NAA30: variants seen among roughly 807,000 people sequenced by gnomAD.
The protein encoded by NAA30 is N-alpha-acetyltransferase 30.
Under a neutral mutation model 31.4 loss-of-function variants are expected in NAA30, and 5 were observed. The ratio of observed to expected loss-of-function variants is 0.16; its 90% CI spans 0.08 to 0.33. The LOEUF (loss-of-function observed/expected upper bound fraction) is 0.33, where lower values mean the gene tolerates loss of function less well. Among genes scored for constraint, NAA30 ranks in the 10% least tolerant of loss-of-function variants. NAA30 has a pLI of 1.00. For synonymous variants in NAA30, 222 were observed against 207.1 expected (o/e 1.07, Z -0.62); for missense variants, 428 against 490.8 (o/e 0.87, Z 1.21).
intron 3 of NAA30, among the ~76,000 whole-genome samples, chr14:57,397,655 G>A (rs879338960): frequency 2.0e-5 from 3 of 152,154 alleles, no homozygotes; most frequent in Non-Finnish European, 4.4e-5. Context: ...TGCCGGGTGC[G>A]GTGGCTCACG....
At chr14:57,404,006 T>C (rs567277458) in intron 4 of NAA30, among the ~76,000 whole-genome samples, 3 of 152,230 alleles carry the variant, frequency 2.0e-5, no homozygotes, top group African/African-American at 7.2e-5. Context: ...TGTTTTGTTT[T>C]GTTTTGTTTG....
At chr14:57,399,602 T>C (rs1013043856) in intron 3 of NAA30, among the ~76,000 whole-genome samples, 2 of 152,228 alleles carry the variant, frequency 1.3e-5, no homozygotes, top group Admixed American at 6.5e-5. Flanking sequence ...AAAAGGAGTA[T>C]ATTGGGAGAT....
At position 57,412,939 on chromosome 14, in the gene NAA30, A is replaced by T. The variant is rs556858702; in HGVS notation, c.*3423A>T. 6.6e-6 allele frequency: 1 copy of T among 152,380 alleles called. No homozygotes were observed. The highest frequency in any genetic ancestry group is 6.5e-5 in the Admixed American group (1 of 15,306). The allele number at this position is 152,380 out of a possible 1,614,324, so 9.4% of individuals were successfully genotyped here. On this transcript the variant is annotated 3_prime_UTR_variant, in exon 5 of 5. Transcript: ENST00000556492. Reference sequence around the variant, plus strand: ...GTTCTGACAAAGTAAATTTGAAAATAACATGAACTTGATTTTTCTAAAAGT... The same window carrying T: ...GTTCTGACAAAGTAAATTTGAAAATTACATGAACTTGATTTTTCTAAAAGT...
chr14:57,411,735 G>A lies in NAA30; in HGVS notation c.*2219G>A, dbSNP rs548190914. ...CAGTGTATGCCTTATGTCTTTAATT[G>A]GGTATGCAAAAAAATTTTTACTTAA... On this transcript the variant is annotated 3_prime_UTR_variant, in exon 5 of 5. Coordinates refer to ENST00000556492, the MANE Select transcript of NAA30 (RefSeq NM_001011713.3). 6.6e-6 allele frequency: 1 copy of A among 152,156 alleles called. No individual in the cohort carries two copies. Among genetic ancestry groups the A allele is most frequent in the African/African-American group, 2.4e-5 (1 of 41,536 alleles). The allele number at this position is 152,156 out of a possible 1,614,324, so 9.4% of individuals were successfully genotyped here.
At chr14:57,403,966 C>G (rs910782418) in intron 4 of NAA30, among the ~76,000 whole-genome samples, 7 of 152,118 alleles carry the variant, frequency 4.6e-5, no homozygotes, top group Admixed American at 6.5e-5. Context: ...TCCTTAAAAT[C>G]TTAATCTCTG....
intron 3 of NAA30, among the ~76,000 whole-genome samples, chr14:57,397,094 A>G (rs1004331310): frequency 6.6e-6 from 1 of 152,176 alleles, no homozygotes; most frequent in Non-Finnish European, 1.5e-5. Context: ...TTTTCGTTTT[A>G]ACAAGTAGCC....
intron 4 of NAA30, among the ~76,000 whole-genome samples, chr14:57,402,818 C>G (rs544399005): frequency 2.2e-4 from 34 of 152,286 alleles, no homozygotes; most frequent in Non-Finnish European, 4.4e-4. Flanking sequence ...TTTTCTACTA[C>G]TTAGGTTATT....
rs2066540444 is a variant in NAA30 at position 57,414,877 on chromosome 14, A to G, written c.*5361A>G. The G allele has an allele frequency of 6.6e-6, 1 of 152,230 alleles. No individual in the cohort carries two copies. The highest frequency in any genetic ancestry group is 2.4e-5 in the African/African-American group (1 of 41,464). The allele number at this position is 152,230 out of a possible 1,614,324, so 9.4% of individuals were successfully genotyped here. A position where few individuals can be genotyped will look rare whatever the true frequency, so the allele number is the denominator to read the frequency against. ...GGGATTAAGTCAGTGTTTAATCTCA[A>G]TATGAAACAGACCTAGAAATAACAA... is the stretch of plus-strand genomic sequence containing the variant. On this transcript the variant is annotated 3_prime_UTR_variant, in exon 5 of 5. Coordinates refer to ENST00000556492, the MANE Select transcript of NAA30 (RefSeq NM_001011713.3).
intron 4 of NAA30, among the ~76,000 whole-genome samples, chr14:57,402,753 T>C (rs1391060875): frequency 6.6e-6 from 1 of 152,250 alleles, no homozygotes; most frequent in Non-Finnish European, 1.5e-5. Flanking sequence ...TTTAGAAATT[T>C]TGACAAATTA....
At chr14:57,399,978 G>A in intron 4 of NAA30, 95 bp downstream of exon 4, 1 of 643,754 alleles carries the variant, frequency 1.6e-6, no homozygotes, top group Non-Finnish European at 2.7e-6. Context: ...AGATTTCATT[G>A]CAGTGTTACT....
At chr14:57,392,328 G>A (rs2066432744) in intron 2 of NAA30, among the ~76,000 whole-genome samples, 1 of 152,090 alleles carries the variant, frequency 6.6e-6, no homozygotes, top group African/African-American at 2.4e-5. Flanking sequence ...AACACTTCTG[G>A]TGGCTGAAAG....
rs1055743358 is a variant in NAA30, at chr14:57,409,270, C to T, written c.952-109C>T. 4 of 857,168 alleles carry T rather than the reference C, an allele frequency of 4.7e-6. No homozygotes were observed. The Admixed American group carries it at 1.2e-4, about 26-fold the overall frequency. 53.1% of individuals were successfully genotyped at this position (857,168 alleles called of 1,614,324 possible). On this transcript the variant is annotated intron_variant, in intron 4 of 4. Coordinates refer to ENST00000556492, the MANE Select transcript of NAA30 (RefSeq NM_001011713.3). ...CTTTCTGTATATTATTTATTGTTTT[C>T]ACTATCAATTTTTAAAATAATGTAT... is the stretch of plus-strand genomic sequence containing the variant.
chr14:57,393,847 C>T (rs2066439969), intron 2 of NAA30, among the ~76,000 whole-genome samples: 1 of 152,126 alleles, frequency 6.6e-6, no homozygotes, highest in African/African-American at 2.4e-5. Context: ...CCTGGCCTCT[C>T]ATTATGGTAA....
At chr14:57,401,065 T>C (rs1438405563) in intron 4 of NAA30, among the ~76,000 whole-genome samples, 1 of 152,200 alleles carries the variant, frequency 6.6e-6, no homozygotes, top group African/African-American at 2.4e-5. Context: ...TTGAAATGCT[T>C]TCTCTCATTT....
rs781153687 is a variant in NAA30 at position 57,391,494 on chromosome 14, G to C, written c.537G>C (p.Glu179Asp). ...AGGGCACCGAGCAGGAGGAGGAGGA[G>C]GAAGACGAGCAGGTGCGGCTGCTGT... ...LAEGTEQEEE[E>D]EDEQVRLLSS... is the part of the protein sequence containing the mutation. Residue 179 changes from glutamate to aspartate, a missense_variant, in exon 2 of 5, where the codon GAG becomes GAC. This residue lies in a region of NAA30 where 349 missense variants were observed against 310.4 expected (regional missense o/e 1.12). Coordinates refer to ENST00000556492, the MANE Select transcript of NAA30 (RefSeq NM_001011713.3). This position sits in a 1 kb window ranked among gnomAD's most constrained non-coding sequence, Gnocchi z 4.1. 1.2e-6 allele frequency: 2 copies of C among 1,613,258 alleles called. No homozygotes were observed. The highest frequency in any genetic ancestry group is 1.7e-6 in the Non-Finnish European group (2 of 1,179,780).
chr14:57,409,197 C>A (rs1367460630), intron 4 of NAA30, among the ~76,000 whole-genome samples, 182 bp from the exon 5 acceptor site: 1 of 152,128 alleles, frequency 6.6e-6, no homozygotes, highest in Admixed American at 6.5e-5. Context: ...GTCCTCCAAG[C>A]CCTTGACCCA....
chr14:57,405,606 G>A (rs942616998), intron 4 of NAA30, among the ~76,000 whole-genome samples: 1 of 152,142 alleles, frequency 6.6e-6, no homozygotes, highest in Admixed American at 6.5e-5. Flanking sequence ...TCACTTGGCA[G>A]TTGTGTGATT....
At chr14:57,398,692 G>A (rs1467068637) in intron 3 of NAA30, among the ~76,000 whole-genome samples, 1 of 152,004 alleles carries the variant, frequency 6.6e-6, no homozygotes, top group Admixed American at 6.6e-5. Context: ...GAGCGCAGTG[G>A]CATGATCTCG....
At chr14:57,392,545 G>A (rs991212898) in intron 2 of NAA30, among the ~76,000 whole-genome samples, 9 of 152,080 alleles carry the variant, frequency 5.9e-5, no homozygotes, top group Non-Finnish European at 1.0e-4. Flanking sequence ...AATTAACATA[G>A]TATTGGCAGT....
Sources: gnomAD v4.1 joint callset for allele counts (sites outside exome capture counted in the v4.1 genomes callset) on GRCh38, gnomAD v4.1.1 for gene constraint, gnomAD v4.1.1 regional missense constraint, Gnocchi (gnomAD v3.1) non-coding constraint, MANE v1.5 for transcripts, NCBI Gene and HGNC (gene_info 2026-07-23, HGNC 2026-07-21) for gene names.